SUPT20H: variants seen among roughly 807,000 people sequenced by gnomAD.
The protein encoded by SUPT20H is SPT20 homolog, SAGA complex component.
A neutral mutation model predicts 122.8 loss-of-function variants in SUPT20H; 82 were observed. The ratio of observed to expected loss-of-function variants is 0.67; its 90% CI spans 0.56 to 0.80. The LOEUF (loss-of-function observed/expected upper bound fraction) is 0.80. Among genes scored for constraint, SUPT20H ranks in the 30% least tolerant of loss-of-function variants. The pLI is 0.00. For missense variants in SUPT20H, 831 were observed against 921.6 expected, an observed-to-expected ratio of 0.90 and a Z score of 1.27; for synonymous variants, 291 against 313.0, an observed-to-expected ratio of 0.93 and a Z score of 0.74.
intron 25 of SUPT20H, 93 bp downstream of exon 25, chr13:37,010,455 TAAAA>T (rs1329128113): frequency 4.4e-6 from 5 of 1,129,102 alleles, no homozygotes; most frequent in Non-Finnish European, 6.5e-6. Flanking sequence ...TGTACAGTCT[TAAAA>T]GACAGTAAAA....
At position 37,026,816 on chromosome 13, in the gene SUPT20H, G is replaced by T; in HGVS notation, c.1152C>A (p.His384Gln). Residue 384 changes from histidine to glutamine, a missense_variant and splice_region_variant, in exon 15 of 26, where the codon CAC (histidine) becomes CAA (glutamine). Coordinates refer to ENST00000350612, the MANE Select transcript of SUPT20H (RefSeq NM_001014286.3). ...EESDSQMSPSHSSTDDHSNWF... is the reference protein window; with the variant it reads ...EESDSQMSPSQSSTDDHSNWF... ...AATTTGAATGATCATCTGTGGACGA[G>T]CTGAAATATAAAATGTAAAAAAAAG... is the stretch of plus-strand genomic sequence containing the variant. 1 of 1,433,552 alleles carries T rather than the reference G, an allele frequency of 7.0e-7. No homozygotes were observed. Among genetic ancestry groups the T allele is most frequent in the Non-Finnish European group, 9.3e-7 (1 of 1,080,990 alleles). The allele number at this position is 1,433,552 out of a possible 1,614,324, so 88.8% of individuals were successfully genotyped here. A position where few individuals can be genotyped will look rare whatever the true frequency, so the allele number is the denominator to read the frequency against.
Position 37,047,871 on chromosome 13 carries a change from T to C in SUPT20H, c.98+7A>G. 1.9e-6 allele frequency: 3 copies of C among 1,602,446 alleles called. No individual in the cohort carries two copies. The highest frequency in any genetic ancestry group is 2.2e-5 in the East Asian group (1 of 44,580). ...AATCTAAGATGTTACCAATTAATTA[T>C]TCATACCTTCCACTTGATAGGTATT... On this transcript the variant is annotated splice_region_variant and intron_variant, in intron 4 of 25. Transcript: ENST00000350612.
At chr13:37,049,238 A>G (rs2067127178) in intron 2 of SUPT20H, among the ~76,000 whole-genome samples, 1 of 152,208 alleles carries the variant, frequency 6.6e-6, no homozygotes, top group Non-Finnish European at 1.5e-5. Flanking sequence ...TCATCAATTC[A>G]GTAATATTAA....
At chr13:37,021,426 T>C in intron 21 of SUPT20H, 22 bp downstream of exon 21, 1 of 1,573,618 alleles carries the variant, frequency 6.4e-7, no homozygotes, top group South Asian at 1.2e-5. Context: ...TTTTTAGAGG[T>C]TATTATTTCC....
intron 1 of SUPT20H, chr13:37,059,215 C>T (rs2070047001): frequency 6.6e-6 from 1 of 152,280 alleles, no homozygotes. Context: ...GTCATCTCCA[C>T]AGAGGAGCGA....
rs764381000 is a variant in SUPT20H, at chr13:37,051,518, A to C, written c.-28T>G. On this transcript the variant is annotated 5_prime_UTR_variant, in exon 2 of 26. Coordinates refer to ENST00000350612, the MANE Select transcript of SUPT20H (RefSeq NM_001014286.3). Reference sequence around the variant, plus strand: ...TGGCATAAAATAAGGGTCCAAAAGAAGAGATAACTTATGTACGCTGATGAA... The same window carrying C: ...TGGCATAAAATAAGGGTCCAAAAGACGAGATAACTTATGTACGCTGATGAA... The C allele has an allele frequency of 6.2e-7, 1 of 1,611,358 alleles. No homozygotes were observed. The highest frequency in any genetic ancestry group is 1.1e-5 in the South Asian group (1 of 90,852).
At chr13:37,045,011 A>G (rs1272729428) in intron 6 of SUPT20H, among the ~76,000 whole-genome samples, 1 of 152,124 alleles carries the variant, frequency 6.6e-6, no homozygotes, top group African/African-American at 2.4e-5. Context: ...AAGACATATC[A>G]ATTAGAATAC....
intron 1 of SUPT20H, among the ~76,000 whole-genome samples, chr13:37,056,644 T>C (rs1387195493): frequency 5.9e-5 from 9 of 151,704 alleles, no homozygotes. Flanking sequence ...AGGGATAGCA[T>C]GAGGAGATAT....
In SUPT20H at chr13:37,019,297, G is replaced by T. The variant is rs1481890974; in HGVS notation, c.1872+45C>A. On this transcript the variant is annotated intron_variant, in intron 22 of 25. Transcript: ENST00000350612. ...TAGATATACATTGTTTAGAAAAAAA[G>T]TCAATGTACAAAAAATTTAATCAAA... 2.1e-6 allele frequency: 3 copies of T among 1,459,582 alleles called. No homozygotes were observed. In the Admixed American group the frequency reaches 6.2e-5, roughly 30 times the overall value. The allele number at this position is 1,459,582 out of a possible 1,614,324, so 90.4% of individuals were successfully genotyped here.
In SUPT20H at chr13:37,047,473, C is replaced by T. The variant is rs962004033; in HGVS notation, c.165+62G>A. ...CACAAAAATAATACTCCAAATGTAA[C>T]TCCTCCAAATTCCTCTCTTCTACAT... is the stretch of plus-strand genomic sequence containing the variant. On this transcript the variant is annotated intron_variant, in intron 5 of 25. Coordinates refer to ENST00000350612, the MANE Select transcript of SUPT20H (RefSeq NM_001014286.3). 1.1e-5 allele frequency: 15 copies of T among 1,366,604 alleles called. No individual in the cohort carries two copies. In the African/African-American group the frequency reaches 1.7e-4, roughly 15 times the overall value. 84.7% of individuals were successfully genotyped at this position (1,366,604 alleles called of 1,614,324 possible). A position where few individuals can be genotyped will look rare whatever the true frequency, so the allele number is the denominator to read the frequency against.
chr13:37,046,655 T>C (rs2066496580), intron 5 of SUPT20H, among the ~76,000 whole-genome samples: 1 of 152,108 alleles, frequency 6.6e-6, no homozygotes, highest in African/African-American at 2.4e-5. Context: ...GCTCTCTTAT[T>C]TTAGTTCTGT....
intron 3 of SUPT20H, among the ~76,000 whole-genome samples, chr13:37,048,323 G>T (rs146549653): frequency 0.01 from 1,596 of 152,188 alleles, 21 homozygotes; most frequent in African/African-American, 0.036. Context: ...TACAATTTTA[G>T]AAATTCTATA....
chr13:37,026,740 G>T, intron 15 of SUPT20H, 50 bp downstream of exon 15: 1 of 1,082,446 alleles, frequency 9.2e-7, no homozygotes, highest in South Asian at 1.7e-5. Flanking sequence ...TAAAGAGTTT[G>T]ATATTTATGT....
intron 3 of SUPT20H, 135 bp downstream of exon 3, chr13:37,048,429 C>T (rs1302233895): frequency 1.7e-6 from 1 of 598,020 alleles, no homozygotes; most frequent in African/African-American, 1.9e-5. Flanking sequence ...TATATATTTA[C>T]AGCAAAATGA....
intron 23 of SUPT20H, chr13:37,013,753 A>G (rs938052689): frequency 6.6e-6 from 1 of 152,118 alleles, no homozygotes; most frequent in Non-Finnish European, 1.5e-5. Flanking sequence ...TTCAAAAGTT[A>G]CATTTATCTT....
intron 10 of SUPT20H, 30 bp downstream of exon 10, chr13:37,033,417 CTT>C (rs745523430): frequency 1.2e-6 from 2 of 1,600,308 alleles, no homozygotes; most frequent in Non-Finnish European, 1.7e-6. Flanking sequence ...CTACTTGTGT[CTT>C]TTGGTTCACC....
chr13:37,021,716 T>G, intron 20 of SUPT20H, 114 bp from the exon 21 acceptor site: 1 of 1,193,674 alleles, frequency 8.4e-7, no homozygotes, highest in Non-Finnish European at 1.1e-6. Flanking sequence ...GTTATTTATC[T>G]GTCTTAAATA....
rs2061588258 is a variant in SUPT20H, at chr13:37,022,615, C to A, written c.1592-535G>T. The A allele has an allele frequency of 1.8e-6, 2 of 1,090,334 alleles. No homozygotes were observed. Among genetic ancestry groups the A allele is most frequent in the Non-Finnish European group, 1.1e-6 (1 of 898,536 alleles). The allele number at this position is 1,090,334 out of a possible 1,614,324, so 67.5% of individuals were successfully genotyped here. Reference sequence around the variant, plus strand: ...TAAAAGTTAGTTTCCTACATGCTGCCTTTGGCCTAAAAAGTTCAAAACGAA... The same window carrying A: ...TAAAAGTTAGTTTCCTACATGCTGCATTTGGCCTAAAAAGTTCAAAACGAA... On this transcript the variant is annotated intron_variant, in intron 19 of 25. Transcript: ENST00000350612. This position sits in a 1 kb window ranked among gnomAD's most constrained non-coding sequence, Gnocchi z 4.5.
chr13:37,051,462 T>A, intron 2 of SUPT20H, 26 bp downstream of exon 2: 1 of 1,604,244 alleles, frequency 6.2e-7, no homozygotes, highest in South Asian at 1.1e-5. Flanking sequence ...AAAACACAAA[T>A]TTGAACATAC....
Sources: allele counts gnomAD v4.1 joint callset (sites outside exome capture counted in the v4.1 genomes callset), GRCh38; gene constraint gnomAD v4.1.1; non-coding constraint Gnocchi (gnomAD v3.1); transcripts MANE v1.5; gene names NCBI Gene and HGNC (gene_info 2026-07-23, HGNC 2026-07-21).